TBC1D22A: variants seen among roughly 807,000 people sequenced by gnomAD.
TBC1D22A encodes TBC1 domain family member 22A, also known as putative GTPase activator.
In TBC1D22A, 38 loss-of-function variants were observed where a neutral mutation model predicts 60.2. That is an observed-to-expected ratio of 0.63 (90% CI 0.49 to 0.83). TBC1D22A has a LOEUF of 0.83. Among genes scored for constraint, TBC1D22A ranks in the 40% least tolerant of loss-of-function variants. TBC1D22A has a pLI of 0.00. For synonymous variants in TBC1D22A, 302 were observed against 281.7 expected (o/e 1.07, Z -0.72); for missense variants, 628 against 701.0 (o/e 0.90, Z 1.18).
intron 12 of TBC1D22A, among the ~76,000 whole-genome samples, chr22:47,130,602 T>C (rs929471286): frequency 6.6e-6 from 1 of 152,246 alleles, no homozygotes; most frequent in Admixed American, 6.5e-5. Context: ...CATGTGACTC[T>C]AGGCCTGTGT....
chr22:47,069,395 C>T (rs1202324097), intron 11 of TBC1D22A, among the ~76,000 whole-genome samples: 1 of 152,070 alleles, frequency 6.6e-6, no homozygotes, highest in Non-Finnish European at 1.5e-5. Flanking sequence ...CTCCATGGCT[C>T]TTGGGAGTGG....
intron 12 of TBC1D22A, among the ~76,000 whole-genome samples, chr22:47,151,144 G>A (rs540522509): frequency 6.6e-6 from 1 of 152,270 alleles, no homozygotes; most frequent in South Asian, 2.1e-4. Flanking sequence ...TGCTGGGTTC[G>A]TGCAGATTCC....
chr22:46,789,981 C>T (rs1032023807), intron 1 of TBC1D22A, among the ~76,000 whole-genome samples: 3 of 152,276 alleles, frequency 2.0e-5, no homozygotes, highest in Non-Finnish European at 4.4e-5. Flanking sequence ...AAGAGTGGCT[C>T]AGCCTCCCAG....
intron 8 of TBC1D22A, among the ~76,000 whole-genome samples, chr22:46,961,073 C>A (rs136092): frequency 1.3e-5 from 2 of 149,636 alleles, no homozygotes; most frequent in Admixed American, 1.3e-4. Context: ...GATACAAACA[C>A]AGATCTTTGA....
chr22:46,911,499 G>A (rs1277698017), intron 7 of TBC1D22A, among the ~76,000 whole-genome samples: 2 of 152,200 alleles, frequency 1.3e-5, no homozygotes, highest in Non-Finnish European at 2.9e-5. Flanking sequence ...GGTGGCCCGC[G>A]GGGTGTGGAG....
intron 4 of TBC1D22A, among the ~76,000 whole-genome samples, chr22:46,798,086 A>G (rs754289628): frequency 1.1e-4 from 16 of 152,170 alleles, no homozygotes; most frequent in Non-Finnish European, 2.1e-4. Context: ...TGTGTTGCCC[A>G]GGCTGGTCTT....
intron 11 of TBC1D22A, among the ~76,000 whole-genome samples, chr22:47,095,102 G>A (rs1029328174): frequency 6.0e-4 from 92 of 152,252 alleles, no homozygotes; most frequent in Non-Finnish European, 5.9e-5. Flanking sequence ...GGATGTTGGC[G>A]TGAATTTTAA....
At chr22:46,917,550 G>T (rs2070454109) in intron 8 of TBC1D22A, among the ~76,000 whole-genome samples, 1 of 152,200 alleles carries the variant, frequency 6.6e-6, no homozygotes, top group Non-Finnish European at 1.5e-5. Context: ...GAGACGTGGA[G>T]TAGAAAGAGC....
intron 11 of TBC1D22A, among the ~76,000 whole-genome samples, chr22:47,081,120 C>CAAAA (rs34794967): frequency 1.9e-4 from 16 of 83,726 alleles, no homozygotes; most frequent in African/African-American, 4.9e-4. Context: ...AACTCCGTCT[C>CAAAA]AAAAAAAAAA....
chr22:47,155,083 CTG>C (rs1380749620), intron 12 of TBC1D22A, among the ~76,000 whole-genome samples: 1 of 152,148 alleles, frequency 6.6e-6, no homozygotes, highest in Non-Finnish European at 1.5e-5. Flanking sequence ...GCAGTGTCCT[CTG>C]TGTGTTGATC....
intron 12 of TBC1D22A, among the ~76,000 whole-genome samples, chr22:47,118,404 C>T (rs906875838): frequency 7.9e-5 from 12 of 152,148 alleles, no homozygotes; most frequent in Non-Finnish European, 1.8e-4. Flanking sequence ...AAAGAACCCC[C>T]TTCAAAATAA....
intron 1 of TBC1D22A, among the ~76,000 whole-genome samples, chr22:46,772,102 T>C (rs13055997): frequency 0.46 from 46,935 of 102,084 alleles, 10,458 homozygotes; most frequent in Middle Eastern, 0.56. Context: ...TACACACATA[T>C]ACATATATAT....
At chr22:46,903,917 G>A (rs1226063929) in intron 7 of TBC1D22A, among the ~76,000 whole-genome samples, 3 of 152,160 alleles carry the variant, frequency 2.0e-5, no homozygotes, top group Non-Finnish European at 4.4e-5. Flanking sequence ...CTGCTGCCGA[G>A]TGCCCCGCTG....
chr22:47,031,974 G>A (rs1216311543), intron 10 of TBC1D22A, among the ~76,000 whole-genome samples: 2 of 152,220 alleles, frequency 1.3e-5, no homozygotes, highest in East Asian at 1.9e-4. Context: ...ACAATGACAG[G>A]TGTTCCAGAA....
chr22:46,856,600 G>T (rs970270656), intron 4 of TBC1D22A, among the ~76,000 whole-genome samples: 4 of 152,192 alleles, frequency 2.6e-5, no homozygotes, highest in African/African-American at 7.2e-5. Flanking sequence ...ACCTTGTGAA[G>T]TGACTAACAA....
At chr22:46,834,300 T>G (rs1602071113) in intron 4 of TBC1D22A, among the ~76,000 whole-genome samples, 1 of 152,218 alleles carries the variant, frequency 6.6e-6, no homozygotes, top group South Asian at 2.1e-4. Context: ...TAATACTGAT[T>G]TTGACAAATG....
chr22:47,038,874 C>T (rs1010532564), intron 11 of TBC1D22A, among the ~76,000 whole-genome samples: 3 of 152,218 alleles, frequency 2.0e-5, no homozygotes, highest in Non-Finnish European at 2.9e-5. Context: ...AAAGCCTTAC[C>T]TTGGGCTGTT....
chr22:47,111,692 G>C, intron 12 of TBC1D22A, 89 bp downstream of exon 12: 2 of 1,264,230 alleles, frequency 1.6e-6, no homozygotes, highest in Admixed American at 4.3e-5. Flanking sequence ...GTTATTTGTG[G>C]AAGAGTTTTG....
chr22:46,979,793 C>T (rs2074442149), intron 9 of TBC1D22A, among the ~76,000 whole-genome samples: 2 of 152,082 alleles, frequency 1.3e-5, no homozygotes, highest in South Asian at 2.1e-4. Context: ...ATGTCAGCAC[C>T]GTGAGGAAGG....
Sources: allele counts gnomAD v4.1 joint callset (sites outside exome capture counted in the v4.1 genomes callset), GRCh38; gene constraint gnomAD v4.1.1; transcripts MANE v1.5; gene names NCBI Gene and HGNC (gene_info 2026-07-23, HGNC 2026-07-21).